The following CSGALNACT1 variants were observed in gnomAD, a reference collection of about 807,000 sequenced individuals.
CSGALNACT1 encodes the protein beta4GalNAcT-1.
CSGALNACT1 carries 52 observed loss-of-function variants against 51.0 expected under a neutral mutation model. The observed-to-expected ratio is 1.02, with a 90% confidence interval of 0.82 to 1.29. The LOEUF (loss-of-function observed/expected upper bound fraction) is 1.29, where lower values mean the gene tolerates loss of function less well. CSGALNACT1 is among the 50% of genes most tolerant of loss of function. The probability of loss-of-function intolerance (pLI) is 0.00; values close to 1 mark genes in which losing one functional copy is unlikely to be tolerated. For missense variants in CSGALNACT1, 935 were observed against 679.2 expected (o/e 1.38, Z -4.19); for synonymous variants, 341 against 254.4 (o/e 1.34, Z -3.24).
At chr8:19,707,974 C>T (rs954720583) in intron 1 of CSGALNACT1, among the ~76,000 whole-genome samples, 2 of 152,138 alleles carry the variant, frequency 1.3e-5, no homozygotes, top group African/African-American at 4.8e-5. Context: ...CGCCACTGCA[C>T]TCCAGCCTGG....
intron 7 of CSGALNACT1, among the ~76,000 whole-genome samples, chr8:19,419,734 G>A (rs1368295764): frequency 1.3e-5 from 2 of 152,148 alleles, no homozygotes; most frequent in African/African-American, 2.4e-5. Flanking sequence ...AGTTGCAGAC[G>A]GAAGAGGGGT....
At chr8:19,438,663 GC>G (rs1192504605) in intron 6 of CSGALNACT1, among the ~76,000 whole-genome samples, 3 of 152,180 alleles carry the variant, frequency 2.0e-5, no homozygotes, top group Admixed American at 1.3e-4. Context: ...CAGCTGCACA[GC>G]TGTAGACAAA....
intron 1 of CSGALNACT1, among the ~76,000 whole-genome samples, chr8:19,707,234 G>A (rs1204372901): frequency 6.6e-6 from 1 of 152,150 alleles, no homozygotes; most frequent in East Asian, 1.9e-4. Context: ...ATTCTTGATT[G>A]GTTGACAGAT....
rs142387689 is a variant in CSGALNACT1, at chr8:19,698,990, G to A, written c.-297+58860C>T. 2.7e-3 allele frequency among the ~76,000 whole-genome samples: 412 copies of A among 152,158 alleles called. 1 individual carries two copies. Among genetic ancestry groups the A allele is most frequent in the African/African-American group, 9.0e-3 (372 of 41,524 alleles). ...CTCTAGATTACTCATAATACCTGAC[G>A]CAATGTAAAGGCTATGTAAATAATT... On this transcript the variant is annotated intron_variant, in intron 1 of 1. Transcript: ENST00000517494.
intron 1 of CSGALNACT1, among the ~76,000 whole-genome samples, chr8:19,708,006 T>A (rs925704585): frequency 6.6e-6 from 1 of 152,010 alleles, no homozygotes; most frequent in African/African-American, 2.4e-5. Context: ...AGACTCCATC[T>A]CAAAAAAGAA....
intron 1 of CSGALNACT1, among the ~76,000 whole-genome samples, chr8:19,619,688 AAC>A (rs1341116098): frequency 2.0e-5 from 3 of 152,214 alleles, no homozygotes; most frequent in Non-Finnish European, 2.9e-5. Context: ...TCTTGTTCAA[AAC>A]ACAGTTTTGA....
intron 3 of CSGALNACT1, among the ~76,000 whole-genome samples, chr8:19,552,580 G>C (rs1311537565): frequency 1.3e-5 from 2 of 152,072 alleles, no homozygotes; most frequent in Non-Finnish European, 2.9e-5. Context: ...ATACATACTT[G>C]CAAGCTCCCA....
Position 19,408,677 on chromosome 8 carries a change from A to G in CSGALNACT1, c.1245T>C (p.Thr415=), listed in dbSNP as rs138330488. The change falls in exon 9 of 10, where the codon ACT becomes ACC. Residue 415 remains threonine, a synonymous_variant. Coordinates refer to ENST00000454498, the Ensembl canonical transcript of CSGALNACT1. ...CAAATCCAAAGTCTCTCCAAAATCC[A>G]GTTTCCTTCTTTATGACCTGCAAGA... 39 of 1,613,702 alleles carry G rather than the reference A, an allele frequency of 2.4e-5. No individual in the cohort carries two copies. The African/African-American group carries it at 4.9e-4, about 20-fold the overall frequency.
chr8:19,644,150 G>C (rs1459715249), intron 1 of CSGALNACT1, among the ~76,000 whole-genome samples: 1 of 152,156 alleles, frequency 6.6e-6, no homozygotes, highest in African/African-American at 2.4e-5. Flanking sequence ...ATGTTAATGT[G>C]TTGGAGTCTC....
intron 1 of CSGALNACT1, among the ~76,000 whole-genome samples, chr8:19,661,628 T>A (rs2058749854): frequency 6.6e-6 from 1 of 152,154 alleles, no homozygotes; most frequent in Non-Finnish European, 1.5e-5. Flanking sequence ...AGGATAGCCA[T>A]CCCAGATCTT....
At chr8:19,476,706 C>T (rs1160878702) in intron 4 of CSGALNACT1, among the ~76,000 whole-genome samples, 1 of 152,172 alleles carries the variant, frequency 6.6e-6, no homozygotes, top group African/African-American at 2.4e-5. Flanking sequence ...ACCCAGACTT[C>T]TATGTAAGAA....
Position 19,503,206 on chromosome 8 carries a change from G to C in CSGALNACT1, c.634+1995C>G, listed in dbSNP as rs2076709048. ...TATTTACTCATCAACGAAAACAGTTGACTAGACTTTCACCAAATATGGAAG... is the reference window on the plus strand; with the variant it reads ...TATTTACTCATCAACGAAAACAGTTCACTAGACTTTCACCAAATATGGAAG... On this transcript the variant is annotated intron_variant, in intron 4 of 9. Transcript: ENST00000454498. Among the ~76,000 whole-genome samples, 3 of 152,248 alleles carry C rather than the reference G, an allele frequency of 2.0e-5. No homozygotes were observed. In the South Asian group the frequency reaches 6.2e-4, roughly 32 times the overall value.
chr8:19,515,921 G>A (rs76126765), intron 3 of CSGALNACT1, among the ~76,000 whole-genome samples: 9,184 of 152,130 alleles, frequency 0.06, 884 homozygotes, highest in African/African-American at 0.21. Flanking sequence ...ACTGGCATAA[G>A]AAGATGCTAC....
intron 3 of CSGALNACT1, among the ~76,000 whole-genome samples, chr8:19,521,772 A>G (rs1447032146): frequency 2.0e-5 from 3 of 152,236 alleles, no homozygotes; most frequent in Non-Finnish European, 4.4e-5. Context: ...TAGGAGAAAG[A>G]CAAGTTTGGT....
chr8:19,585,208 G>A (rs902724091), intron 3 of CSGALNACT1: 1 of 152,206 alleles, frequency 6.6e-6, no homozygotes. Context: ...TCACTTCTGA[G>A]CACTGCTAAG....
intron 1 of CSGALNACT1, among the ~76,000 whole-genome samples, chr8:19,750,125 ATGAGACC>A (rs1346232509): frequency 2.6e-5 from 4 of 152,132 alleles, no homozygotes; most frequent in African/African-American, 9.7e-5. Flanking sequence ...TCCAACTTCC[ATGAGACC>A]TGAGTTCTTG....
intron 4 of CSGALNACT1, among the ~76,000 whole-genome samples, chr8:19,494,163 T>C (rs75780136): frequency 0.19 from 28,895 of 152,060 alleles, 3,407 homozygotes; most frequent in African/African-American, 0.33. Context: ...CATGCCCTCT[T>C]CTTCTATCTA....
At chr8:19,406,356 C>T (rs192275118) in intron 9 of CSGALNACT1, among the ~76,000 whole-genome samples, 114 of 151,904 alleles carry the variant, frequency 7.5e-4, no homozygotes, top group African/African-American at 2.5e-3. Context: ...TAATGAACAG[C>T]CCCAGCCTCG....
intron 3 of CSGALNACT1, among the ~76,000 whole-genome samples, chr8:19,543,094 A>G (rs1379802564): frequency 1.3e-5 from 2 of 152,208 alleles, no homozygotes; most frequent in Non-Finnish European, 2.9e-5. Context: ...TGACTGAGTT[A>G]TAACTAACAA....
Sources: gnomAD v4.1 joint callset for allele counts (sites outside exome capture counted in the v4.1 genomes callset) on GRCh38, gnomAD v4.1.1 for gene constraint, MANE v1.5 for transcripts, NCBI Gene and HGNC (gene_info 2026-07-23, HGNC 2026-07-21) for gene names.